Variants in TRMT61B observed in about 807,000 individuals in gnomAD.
TRMT61B encodes the protein tRNA methyltransferase 61B, also known as tRNA (adenine(58)-N(1))-methyltransferase, mitochondrial.
A neutral mutation model predicts 52.0 loss-of-function variants in TRMT61B; 56 were observed. That is an observed-to-expected ratio of 1.08 (90% CI 0.87 to 1.35). The LOEUF is 1.35. Among genes scored for constraint, TRMT61B ranks in the 40% most tolerant of loss-of-function variants. TRMT61B has a pLI of 0.00. For synonymous variants in TRMT61B, 206 were observed against 220.0 expected, an observed-to-expected ratio of 0.94 and a Z score of 0.56; for missense variants, 650 against 577.9, an observed-to-expected ratio of 1.12 and a Z score of -1.28.
At chr2:28,850,501 GTTTT>G in intron 5 of TRMT61B, 96 bp from the exon 6 acceptor site, 1 of 798,582 alleles carries the variant, frequency 1.3e-6, no homozygotes, top group Non-Finnish European at 2.0e-6. Flanking sequence ...TTTATTGTAA[GTTTT>G]TTCTTTATTT....
At chr2:28,860,873 G>T (rs908825887) in intron 3 of TRMT61B, among the ~76,000 whole-genome samples, 3 of 152,052 alleles carry the variant, frequency 2.0e-5, no homozygotes, top group African/African-American at 7.2e-5. Context: ...CTAGTCTTTG[G>T]TCCTAGCTTT....
intron 3 of TRMT61B, among the ~76,000 whole-genome samples, chr2:28,857,215 T>C (rs1244182607): frequency 6.6e-6 from 1 of 152,090 alleles, no homozygotes; most frequent in Non-Finnish European, 1.5e-5. Flanking sequence ...ATTACGGCCA[T>C]GAACCATCAT....
At chr2:28,864,944 A>C in intron 2 of TRMT61B, 73 bp downstream of exon 2, 6 of 892,760 alleles carry the variant, frequency 6.7e-6, no homozygotes, top group Non-Finnish European at 1.1e-5. Context: ...AAATATCTTT[A>C]TACCTTTCTG....
chr2:28,852,353 A>C, intron 4 of TRMT61B, 55 bp downstream of exon 4: 1 of 1,000,126 alleles, frequency 1.0e-6, no homozygotes. Flanking sequence ...TTTGATACTT[A>C]AGCAAAAGTG....
rs1038209154 is a variant in TRMT61B at position 28,855,833 on chromosome 2, T to C, written c.994-3334A>G. On this transcript the variant is annotated intron_variant, in intron 3 of 6. Coordinates refer to ENST00000306108, the MANE Select transcript of TRMT61B (RefSeq NM_017910.4). ...AAGATACAAAAAAATTAGCTGGGCA[T>C]GGTGGCGGGTGCCTGTAGTCCCAGC... Among the ~76,000 whole-genome samples the C allele has an allele frequency of 3.9e-5, 6 of 152,220 alleles. No homozygotes were observed. In the East Asian group the frequency reaches 1.2e-3, roughly 29 times the overall value.
rs200677931 is a variant in TRMT61B at position 28,851,166 on chromosome 2, A to G, written c.1218T>C (p.Ala406=). The stretch of plus-strand genomic sequence containing the variant: ...TGTTGATTTTAGATTCTACTTTTTG[A>G]GCTAAAATTCCATTTTTCTGTTTTG... ...CLAKQKNGIL[A]QKVESKINTD... is the part of the protein sequence containing the mutation. The change falls in exon 5 of 7, where the codon GCT becomes GCC. Residue 406 remains alanine (A), a synonymous_variant. Coordinates refer to ENST00000306108, the MANE Select transcript of TRMT61B (RefSeq NM_017910.4). The G allele has an allele frequency of 5.6e-6, 9 of 1,613,392 alleles. No homozygotes were observed. Among genetic ancestry groups the G allele is most frequent in the Non-Finnish European group, 7.6e-6 (9 of 1,179,792 alleles).
At chr2:28,859,884 G>A (rs1669524511) in intron 3 of TRMT61B, among the ~76,000 whole-genome samples, 1 of 152,006 alleles carries the variant, frequency 6.6e-6, no homozygotes, top group Non-Finnish European at 1.5e-5. Context: ...AGCCATAAAT[G>A]AGAAAAAAGA....
intron 3 of TRMT61B, among the ~76,000 whole-genome samples, chr2:28,854,873 T>C (rs1437371563): frequency 1.3e-5 from 2 of 151,684 alleles, no homozygotes; most frequent in Non-Finnish European, 2.9e-5. Context: ...TGAGCTGTGA[T>C]TGTGTCACTG....
intron 1 of TRMT61B, among the ~76,000 whole-genome samples, chr2:28,867,738 G>A (rs1221396568): frequency 6.6e-6 from 1 of 152,036 alleles, no homozygotes; most frequent in African/African-American, 2.4e-5. Flanking sequence ...ATAAAATTAC[G>A]AAAGTCTTTT....
At chr2:28,860,488 T>C (rs1293727675) in intron 3 of TRMT61B, among the ~76,000 whole-genome samples, 1 of 151,476 alleles carries the variant, frequency 6.6e-6, no homozygotes, top group Non-Finnish European at 1.5e-5. Context: ...AATACTTCCA[T>C]GTCCCAGATC....
chr2:28,853,102 T>C (rs531399084), intron 3 of TRMT61B, among the ~76,000 whole-genome samples: 6 of 152,300 alleles, frequency 3.9e-5, no homozygotes, highest in African/African-American at 1.4e-4. Flanking sequence ...CCTGTATGCC[T>C]GTATTATCAA....
intron 1 of TRMT61B, among the ~76,000 whole-genome samples, chr2:28,869,039 C>T (rs1037559959): frequency 3.2e-4 from 48 of 152,174 alleles, no homozygotes; most frequent in African/African-American, 9.9e-4. Context: ...AGGCAGTTAA[C>T]TTTTTAATAA....
Position 28,870,202 on chromosome 2 carries a change from C to G in TRMT61B, c.76G>C (p.Gly26Arg). The stretch of plus-strand genomic sequence containing the variant: ...CCCTCGAAGGGCTCCTGCCCCAGGC[C>G]GTGCAGGAATGAATTGGTTCCGAGC... ...QGLGTNSFLH[G>R]LGQEPFEGAR... Residue 26 changes from glycine to arginine, a missense_variant, in exon 1 of 7, where the codon GGC becomes CGC. Gly to Arg is a moderately radical substitution (Grantham distance 125). Coordinates refer to ENST00000306108, the MANE Select transcript of TRMT61B (RefSeq NM_017910.4). The G allele has an allele frequency of 6.2e-7, 1 of 1,612,352 alleles. No homozygotes were observed. The highest frequency in any genetic ancestry group is 8.5e-7 in the Non-Finnish European group (1 of 1,179,946).
intron 3 of TRMT61B, among the ~76,000 whole-genome samples, chr2:28,852,826 GCA>G (rs1463028539): frequency 6.6e-5 from 10 of 151,970 alleles, no homozygotes; most frequent in Admixed American, 1.3e-4. Context: ...GGATGCAGTG[GCA>G]CAAGCCCGTA....
chr2:28,867,081 G>A (rs1346376978), intron 1 of TRMT61B, among the ~76,000 whole-genome samples: 2 of 152,032 alleles, frequency 1.3e-5, no homozygotes, highest in African/African-American at 4.8e-5. Flanking sequence ...TTACAGGTGT[G>A]AGTGACGGCA....
Position 28,850,398 on chromosome 2 carries a change from C to A in TRMT61B, c.1320G>T (p.Ser440=), listed in dbSNP as rs771937223. Residue 440 remains serine, a synonymous_variant, in exon 6 of 7, where the codon TCG becomes TCT. Coordinates refer to ENST00000306108, the MANE Select transcript of TRMT61B (RefSeq NM_017910.4). The part of the protein sequence containing the change: ...ELFQEDDHEE[S]HSDFPYGSFP... ...ATGATCCATATGGAAAATCAGAATG[C>A]GATTCTTCTGTTGTAAAAAAATATA... The A allele has an allele frequency of 1.2e-6, 2 of 1,602,380 alleles. 1 individual carries two copies. Among genetic ancestry groups the A allele is most frequent in the South Asian group, 2.3e-5 (2 of 88,386 alleles).
rs754994698 is a variant in TRMT61B, at chr2:28,861,291, C to T, written c.820G>A (p.Val274Ile). 5 of 1,589,976 alleles carry T rather than the reference C, an allele frequency of 3.1e-6. No homozygotes were observed. The Admixed American group carries it at 7.5e-5, about 24-fold the overall frequency. The change falls in exon 3 of 7, where the codon GTC becomes ATC. Residue 274 changes from valine (V) to isoleucine (I), a missense_variant. Physicochemically the swap from Val to Ile is conservative, Grantham distance 29. Coordinates refer to ENST00000306108, the MANE Select transcript of TRMT61B (RefSeq NM_017910.4). ...TCTTTTCGTACCTCAAAACTTATGA[C>T]TCGTCCTTGTGATCCAACTTAAGTA... Reference protein sequence around the residue: ...LSKAVGSQGRVISFEVRKDHH... With the variant: ...LSKAVGSQGRIISFEVRKDHH...
At position 28,852,452 on chromosome 2, in the gene TRMT61B, G is replaced by T. The variant is rs1282829942; in HGVS notation, c.1041C>A (p.Tyr347Ter). ...LNPHVTLPVF[Y>*]PHLKHGGVCA... ...ATACACCACCATGCTTAAGATGTGG[G>T]TAAAAAACAGGCAAAGTAACATGAG... is the stretch of plus-strand genomic sequence containing the variant. Residue 347 changes from tyrosine (Y) to a stop codon, truncating the protein, a stop_gained, in exon 4 of 7, where the codon TAC (tyrosine) becomes TAA (stop). Coordinates refer to ENST00000306108, the MANE Select transcript of TRMT61B (RefSeq NM_017910.4). LOFTEE classifies it high-confidence loss of function. The T allele has an allele frequency of 1.2e-6, 2 of 1,612,464 alleles. No individual in the cohort carries two copies. Among genetic ancestry groups the T allele is most frequent in the Non-Finnish European group, 1.7e-6 (2 of 1,178,918 alleles).
intron 2 of TRMT61B, among the ~76,000 whole-genome samples, chr2:28,864,287 A>G (rs1386686603): frequency 6.6e-6 from 1 of 152,174 alleles, no homozygotes. Flanking sequence ...TTCACCTGGC[A>G]CTAGTATTCA....
Sources: allele counts gnomAD v4.1 joint callset (sites outside exome capture counted in the v4.1 genomes callset), GRCh38; gene constraint gnomAD v4.1.1; transcripts MANE v1.5; gene names NCBI Gene and HGNC (gene_info 2026-07-23, HGNC 2026-07-21).